BRINP2: variants seen among roughly 807,000 people sequenced by gnomAD.
The protein encoded by BRINP2 is BMP/retinoic acid-inducible neural-specific protein 2.
In BRINP2, 21 loss-of-function variants were observed where a neutral mutation model predicts 69.2. The observed-to-expected ratio is 0.30, with a 90% CI of 0.22 to 0.44. The LOEUF (loss-of-function observed/expected upper bound fraction) is 0.44, where lower values mean the gene tolerates loss of function less well. BRINP2 is among the 20% of genes least tolerant of loss of function. The pLI, the probability that BRINP2 is intolerant of heterozygous loss-of-function variation, is 1.00. For synonymous variants in BRINP2, 380 were observed against 394.1 expected, an observed-to-expected ratio of 0.96 and a Z score of 0.42; for missense variants, 877 against 986.0, an observed-to-expected ratio of 0.89 and a Z score of 1.48.
chr1:177,257,047 G>GA, intron 3 of BRINP2, 129 bp from the exon 4 acceptor site: 1 of 1,553,796 alleles, frequency 6.4e-7, no homozygotes, highest in South Asian at 1.2e-5. Context: ...AGGGCTGGGG[G>GA]AAGAGCTTGG....
intron 1 of BRINP2, among the ~76,000 whole-genome samples, chr1:177,225,768 T>C (rs1016929084): frequency 2.6e-5 from 4 of 152,278 alleles, no homozygotes; most frequent in Non-Finnish European, 5.9e-5. Context: ...GTTCTAGGGA[T>C]GTTTTTAAAA....
intron 1 of BRINP2, among the ~76,000 whole-genome samples, chr1:177,214,807 A>G (rs1010397593): frequency 6.6e-6 from 1 of 152,234 alleles, no homozygotes; most frequent in Non-Finnish European, 1.5e-5. Context: ...GTATATATTT[A>G]TGGGGCAAAA....
rs1456573132 is a variant in BRINP2, at chr1:177,280,382, T to C, written c.1236-30T>C. ...GTGTCAGTGTGTGACTTCTTTTGAC[T>C]CTTACTTCATTTTATCTCTGCTCCC... On this transcript the variant is annotated intron_variant, in intron 7 of 7. Coordinates refer to ENST00000361539, the MANE Select transcript of BRINP2 (RefSeq NM_021165.4). 5 of 1,557,016 alleles carry C rather than the reference T, an allele frequency of 3.2e-6. No homozygotes were observed. In the African/African-American group the frequency reaches 6.8e-5, roughly 21 times the overall value.
intron 1 of BRINP2, among the ~76,000 whole-genome samples, chr1:177,174,104 T>C (rs755578807): frequency 6.6e-6 from 1 of 152,216 alleles, no homozygotes; most frequent in African/African-American, 2.4e-5. Context: ...GAAGTAAAGC[T>C]AAAATGATTT....
intron 2 of BRINP2, among the ~76,000 whole-genome samples, chr1:177,246,494 A>G (rs1356436203): frequency 6.6e-6 from 1 of 152,216 alleles, no homozygotes; most frequent in Non-Finnish European, 1.5e-5. Flanking sequence ...GTGTGTAAAA[A>G]TTGTGTGCAA....
intron 1 of BRINP2, among the ~76,000 whole-genome samples, chr1:177,206,577 C>T (rs1242538044): frequency 2.0e-5 from 3 of 152,178 alleles, no homozygotes; most frequent in African/African-American, 7.2e-5. Context: ...TTAGATATCA[C>T]AGCATTGGCC....
chr1:177,233,562 C>T (rs1038356896), intron 2 of BRINP2, among the ~76,000 whole-genome samples: 7 of 152,176 alleles, frequency 4.6e-5, no homozygotes, highest in Non-Finnish European at 8.8e-5. Flanking sequence ...GTCTAGCATT[C>T]GACAGCCTAT....
chr1:177,230,204 C>T, intron 2 of BRINP2, 59 bp downstream of exon 2: 3 of 1,518,582 alleles, frequency 2.0e-6, no homozygotes, highest in Non-Finnish European at 2.7e-6. Context: ...TGCACAGGCC[C>T]TGCTGGTGTG....
At position 177,257,169 on chromosome 1, in the gene BRINP2, A is replaced by G. The variant is rs1211795487; in HGVS notation, c.461-7A>G. The G allele has an allele frequency of 1.2e-6, 2 of 1,613,812 alleles. No individual in the cohort carries two copies. The highest frequency in any genetic ancestry group is 3.3e-5 in the Admixed American group (2 of 59,998). On this transcript the variant is annotated splice_polypyrimidine_tract_variant and splice_region_variant and intron_variant, in intron 3 of 7. Transcript: ENST00000361539. ...CGTCACCAATACACTCGTGTTGTTC[A>G]CCATAGGAGAAGAGTCCCTGACCAT...
intron 1 of BRINP2, among the ~76,000 whole-genome samples, chr1:177,221,089 A>T (rs1197228918): frequency 1.3e-5 from 2 of 152,218 alleles, no homozygotes; most frequent in Admixed American, 6.5e-5. Flanking sequence ...GAATACAGCT[A>T]TCTTATTCAA....
intron 1 of BRINP2, among the ~76,000 whole-genome samples, chr1:177,213,605 A>C (rs1649289337): frequency 6.6e-6 from 1 of 152,228 alleles, no homozygotes; most frequent in East Asian, 1.9e-4. Context: ...TAGGCTGAAA[A>C]TAATTAATCT....
chr1:177,227,610 GTT>G (rs373470878), intron 1 of BRINP2, among the ~76,000 whole-genome samples: 1 of 145,278 alleles, frequency 6.9e-6, no homozygotes, highest in African/African-American at 2.5e-5. Context: ...TTTCAAAAGA[GTT>G]TTTTTTTTTT....
At chr1:177,206,771 C>T (rs760817380) in intron 1 of BRINP2, among the ~76,000 whole-genome samples, 2 of 152,074 alleles carry the variant, frequency 1.3e-5, no homozygotes, top group East Asian at 1.9e-4. Flanking sequence ...AACGTGGCTA[C>T]GTTGGCAAAT....
intron 1 of BRINP2, among the ~76,000 whole-genome samples, chr1:177,206,225 A>T (rs1192404175): frequency 6.6e-6 from 1 of 152,210 alleles, no homozygotes; most frequent in Non-Finnish European, 1.5e-5. Context: ...CTTGGCAGGC[A>T]TTATGGCTAC....
At chr1:177,180,107 A>C (rs1397298340) in intron 1 of BRINP2, among the ~76,000 whole-genome samples, 2 of 152,216 alleles carry the variant, frequency 1.3e-5, no homozygotes, top group Non-Finnish European at 1.5e-5. Flanking sequence ...TTTTATGATA[A>C]AAATTGTACT....
intron 1 of BRINP2, among the ~76,000 whole-genome samples, chr1:177,215,195 G>C (rs1251576060): frequency 6.6e-6 from 1 of 152,086 alleles, no homozygotes; most frequent in Non-Finnish European, 1.5e-5. Context: ...TTAGCATATT[G>C]TTCTTCAATT....
chr1:177,253,156 T>C (rs1229828268), intron 2 of BRINP2, among the ~76,000 whole-genome samples: 1 of 152,126 alleles, frequency 6.6e-6, no homozygotes, highest in Admixed American at 6.6e-5. Context: ...TAATTTACAC[T>C]CCCACCAACA....
At position 177,281,660 on chromosome 1, in the gene BRINP2, C is replaced by A; in HGVS notation, c.*132C>A. 1 of 1,236,232 alleles carries A rather than the reference C, an allele frequency of 8.1e-7. No homozygotes were observed. Among genetic ancestry groups the A allele is most frequent in the Non-Finnish European group, 1.1e-6 (1 of 899,126 alleles). 76.6% of individuals were successfully genotyped at this position (1,236,232 alleles called of 1,614,324 possible). On this transcript the variant is annotated 3_prime_UTR_variant, in exon 8 of 8. Coordinates refer to ENST00000361539, the MANE Select transcript of BRINP2 (RefSeq NM_021165.4). ...TTTCAGCATCCAGTAGATGGGACCT[C>A]GAGGCTCGAGCTGAAGCAGGCGAGA... is the stretch of plus-strand genomic sequence containing the variant.
chr1:177,209,362 C>T (rs1007587328), intron 1 of BRINP2, among the ~76,000 whole-genome samples: 1 of 152,156 alleles, frequency 6.6e-6, no homozygotes, highest in African/African-American at 2.4e-5. Flanking sequence ...AGCCTTTGGG[C>T]AGCTCATTAG....
Sources: gnomAD v4.1 joint callset for allele counts (sites outside exome capture counted in the v4.1 genomes callset) on GRCh38, gnomAD v4.1.1 for gene constraint, MANE v1.5 for transcripts, NCBI Gene and HGNC (gene_info 2026-07-23, HGNC 2026-07-21) for gene names.